PRKCB: variants seen among roughly 807,000 people sequenced by gnomAD.
PRKCB encodes the protein protein kinase C beta type.
A neutral mutation model predicts 81.5 loss-of-function variants in PRKCB; 13 were observed. That is an observed-to-expected ratio of 0.16 (90% CI 0.10 to 0.25). The LOEUF (loss-of-function observed/expected upper bound fraction) is 0.25. Ranked by LOEUF, PRKCB falls within the 10% of genes least tolerant of loss-of-function variation. The pLI is 1.00. For missense variants in PRKCB, 509 were observed against 875.7 expected (o/e 0.58, Z 5.29); for synonymous variants, 335 against 321.4 (o/e 1.04, Z -0.45).
chr16:24,042,336 T>G (rs957347861), intron 5 of PRKCB, among the ~76,000 whole-genome samples: 18 of 152,138 alleles, frequency 1.2e-4, no homozygotes, highest in African/African-American at 4.1e-4. Flanking sequence ...AGAGACCAGC[T>G]ACGCTCACTG....
intron 2 of PRKCB, among the ~76,000 whole-genome samples, chr16:23,883,492 G>A (rs1963154350): frequency 6.6e-6 from 1 of 152,194 alleles, no homozygotes; most frequent in Non-Finnish European, 1.5e-5. Flanking sequence ...CCACTGGAGA[G>A]TTTTAGGTAG....
intron 2 of PRKCB, among the ~76,000 whole-genome samples, chr16:23,847,338 A>G (rs1306779251): frequency 1.2e-4 from 7 of 60,212 alleles, no homozygotes; most frequent in African/African-American, 4.9e-4. Context: ...CTATCTATCT[A>G]TCTATCTATC....
At chr16:24,034,337 T>A (rs1381264315) in intron 4 of PRKCB, among the ~76,000 whole-genome samples, 1 of 152,168 alleles carries the variant, frequency 6.6e-6, no homozygotes, top group African/African-American at 2.4e-5. Context: ...CCCAGATCCC[T>A]TGAAATAGGG....
intron 3 of PRKCB, 61 bp downstream of exon 3, chr16:23,988,651 T>C: frequency 7.0e-7 from 1 of 1,425,672 alleles, no homozygotes; most frequent in Non-Finnish European, 9.9e-7. Flanking sequence ...TGTGATTAAA[T>C]GTGAGTGAGC....
At chr16:24,191,530 G>A in intron 16 of PRKCB, 1 of 254,042 alleles carries the variant, frequency 3.9e-6, no homozygotes, top group Non-Finnish European at 7.4e-6. Context: ...GGTGAGCAGA[G>A]TTCAGATCCA....
At chr16:23,875,181 G>C (rs528682442) in intron 2 of PRKCB, among the ~76,000 whole-genome samples, 6 of 151,902 alleles carry the variant, frequency 3.9e-5, no homozygotes, top group African/African-American at 1.2e-4. Context: ...GGGACTACAA[G>C]CACGTGCCAC....
At chr16:24,081,141 T>G (rs1211110196) in intron 5 of PRKCB, among the ~76,000 whole-genome samples, 3 of 152,170 alleles carry the variant, frequency 2.0e-5, no homozygotes, top group Non-Finnish European at 1.5e-5. Flanking sequence ...GTAAGAACTC[T>G]TTGTAAACAT....
intron 2 of PRKCB, among the ~76,000 whole-genome samples, chr16:23,891,176 A>G (rs939077556): frequency 1.3e-5 from 2 of 152,054 alleles, no homozygotes; most frequent in African/African-American, 2.4e-5. Context: ...AGCTAGGACT[A>G]CAGGCATGTG....
intron 2 of PRKCB, among the ~76,000 whole-genome samples, chr16:23,892,697 C>T (rs933655848): frequency 2.6e-5 from 4 of 151,954 alleles, no homozygotes; most frequent in Non-Finnish European, 4.4e-5. Flanking sequence ...CAGCACTGAA[C>T]GAAAGAGAAA....
intron 16 of PRKCB, among the ~76,000 whole-genome samples, chr16:24,199,179 C>T (rs74381338): frequency 0.09 from 13,654 of 152,218 alleles, 821 homozygotes; most frequent in South Asian, 0.17. Context: ...CTGATCACAT[C>T]CCATTGCCCG....
chr16:24,158,719 A>C (rs1290888478), intron 10 of PRKCB, among the ~76,000 whole-genome samples: 1 of 151,830 alleles, frequency 6.6e-6, no homozygotes, highest in Non-Finnish European at 1.5e-5. Flanking sequence ...AGTGCAGTGA[A>C]ACAATCATAG....
chr16:23,988,695 C>G (rs1964833574), intron 3 of PRKCB, 105 bp downstream of exon 3: 1 of 1,089,184 alleles, frequency 9.2e-7, no homozygotes, highest in Non-Finnish European at 1.4e-6. Context: ...CGATCTCACT[C>G]TAAGGCATGT....
intron 2 of PRKCB, among the ~76,000 whole-genome samples, chr16:23,916,631 A>G (rs1002699798): frequency 6.6e-6 from 1 of 152,212 alleles, no homozygotes; most frequent in Admixed American, 6.5e-5. Context: ...TTCATAATGT[A>G]CATGCACATC....
intron 2 of PRKCB, among the ~76,000 whole-genome samples, chr16:23,904,637 T>C (rs1043812730): frequency 6.6e-6 from 1 of 152,170 alleles, no homozygotes; most frequent in Non-Finnish European, 1.5e-5. Flanking sequence ...CACTCCAGCC[T>C]GGGTGACAGA....
intron 9 of PRKCB, among the ~76,000 whole-genome samples, chr16:24,136,235 T>C (rs897684280): frequency 2.6e-5 from 4 of 152,012 alleles, no homozygotes; most frequent in African/African-American, 9.7e-5. Flanking sequence ...TCTCAGAAGG[T>C]AGTATGTTAC....
At chr16:23,988,835 G>A (rs1228876027) in intron 3 of PRKCB, among the ~76,000 whole-genome samples, 1 of 152,140 alleles carries the variant, frequency 6.6e-6, no homozygotes, top group African/African-American at 2.4e-5. Flanking sequence ...TTTGAGAGCT[G>A]GAGCACGGAG....
At chr16:24,043,752 G>GCGC (rs1246193898) in intron 5 of PRKCB, among the ~76,000 whole-genome samples, 1 of 152,160 alleles carries the variant, frequency 6.6e-6, no homozygotes, top group Non-Finnish European at 1.5e-5. Context: ...GATGTGCTGG[G>GCGC]CGCGGTCATT....
chr16:24,079,659 T>C (rs923136749), intron 5 of PRKCB, among the ~76,000 whole-genome samples: 1 of 152,216 alleles, frequency 6.6e-6, no homozygotes, highest in African/African-American at 2.4e-5. Context: ...TTTTCTAAGA[T>C]ACAATTCAGA....
intron 2 of PRKCB, among the ~76,000 whole-genome samples, chr16:23,936,579 ATTTTT>A (rs57643578): frequency 3.1e-4 from 30 of 96,036 alleles, no homozygotes; most frequent in Non-Finnish European, 2.9e-4. Flanking sequence ...CACCCAACTA[ATTTTT>A]TTTTTTTTTT....
Sources: gnomAD v4.1 joint callset for allele counts (sites outside exome capture counted in the v4.1 genomes callset) on GRCh38, gnomAD v4.1.1 for gene constraint, MANE v1.5 for transcripts, NCBI Gene and HGNC (gene_info 2026-07-23, HGNC 2026-07-21) for gene names.